SRCAP: variants seen among roughly 807,000 people sequenced by gnomAD.
The protein encoded by SRCAP is Snf2 related CREBBP activator protein, also known as chromatin remodeling protein SRCAP.
Under a neutral mutation model 263.1 loss-of-function variants are expected in SRCAP, and 46 were observed. The ratio of observed to expected loss-of-function variants is 0.17; its 90% CI spans 0.14 to 0.22. SRCAP has a LOEUF of 0.22. Among genes scored for constraint, SRCAP ranks in the 10% least tolerant of loss-of-function variants. The pLI is 1.00. For missense variants in SRCAP, 3,695 were observed against 4,181.9 expected, an observed-to-expected ratio of 0.88 and a Z score of 3.21; for synonymous variants, 1,813 against 1,662.1, an observed-to-expected ratio of 1.09 and a Z score of -2.21.
chr16:30,700,339 CG>C (rs1347047495), intron 2 of SRCAP, among the ~76,000 whole-genome samples: 13 of 152,166 alleles, frequency 8.5e-5, no homozygotes, highest in African/African-American at 3.1e-4. Context: ...ACATTTAGGT[CG>C]GGAATCCTTT....
intron 1 of SRCAP, 131 bp from the exon 2 acceptor site, chr16:30,699,777 T>A (rs1314260772): frequency 6.6e-6 from 1 of 152,266 alleles, no homozygotes; most frequent in East Asian, 1.9e-4. Context: ...CAAAACATGA[T>A]TTGCATTTCC....
rs752234548 is a variant in SRCAP at position 30,737,228 on chromosome 16, T to C, written c.7188T>C (p.Ser2396=). The C allele has an allele frequency of 3.1e-6, 5 of 1,614,040 alleles. No homozygotes were observed. In the Admixed American group the frequency reaches 6.7e-5, roughly 22 times the overall value. Residue 2396 remains serine, a synonymous_variant, in exon 34 of 34, where the codon AGT becomes AGC. Coordinates refer to ENST00000262518, the MANE Select transcript of SRCAP (RefSeq NM_006662.3). ...CTGAGAGGCCGGGGACTCGTGTCAGTGAGCGTCTTCGTGGAGCCCGGGCTG... is the reference window on the plus strand; with the variant it reads ...CTGAGAGGCCGGGGACTCGTGTCAGCGAGCGTCTTCGTGGAGCCCGGGCTG... ...KAPERPGTRV[S]ERLRGARAET...
At chr16:30,728,300 G>A (rs1258049154) in intron 25 of SRCAP, among the ~76,000 whole-genome samples, 1 of 152,208 alleles carries the variant, frequency 6.6e-6, no homozygotes, top group Non-Finnish European at 1.5e-5. Flanking sequence ...GTAGTGGATA[G>A]ATATTAGTTA....
chr16:30,727,679 G>A (rs1006510278), intron 25 of SRCAP, among the ~76,000 whole-genome samples: 1 of 152,192 alleles, frequency 6.6e-6, no homozygotes, highest in Non-Finnish European at 1.5e-5. Context: ...AGCCTCCCAA[G>A]TAGCTGGGAC....
chr16:30,734,845 T>G (rs2053144451), intron 31 of SRCAP, among the ~76,000 whole-genome samples: 1 of 152,214 alleles, frequency 6.6e-6, no homozygotes, highest in African/African-American at 2.4e-5. Context: ...CAGTAATGCT[T>G]CTTAATTGTG....
At position 30,737,874 on chromosome 16, in the gene SRCAP, G is replaced by C; in HGVS notation, c.7834G>C (p.Glu2612Gln). Residue 2612 changes from glutamate to glutamine, a missense_variant, in exon 34 of 34, where the codon GAG becomes CAG. Glu to Gln is a conservative substitution (Grantham distance 29). Transcript: ENST00000262518. ...LTPSAPSLTL[E>Q]AGSIPNGQEQ... Reference sequence around the variant, plus strand: ...CCCTTCTGCACCCAGCCTGACCTTGGAGGCTGGCAGCATCCCCAATGGTCA... The same window carrying C: ...CCCTTCTGCACCCAGCCTGACCTTGCAGGCTGGCAGCATCCCCAATGGTCA... 1.2e-6 allele frequency: 2 copies of C among 1,614,152 alleles called. No homozygotes were observed. Among genetic ancestry groups the C allele is most frequent in the Non-Finnish European group, 1.7e-6 (2 of 1,180,030 alleles).
At chr16:30,735,567 C>CTTTT (rs10663863) in intron 31 of SRCAP, among the ~76,000 whole-genome samples, 5,267 of 69,424 alleles carry the variant, frequency 0.076, 302 homozygotes, top group South Asian at 0.092. Context: ...TTTGACATTA[C>CTTTT]TTTTTTTTTT....
At chr16:30,717,242 C>T (rs2052959830) in intron 18 of SRCAP, among the ~76,000 whole-genome samples, 1 of 151,910 alleles carries the variant, frequency 6.6e-6, no homozygotes, top group Non-Finnish European at 1.5e-5. Context: ...GCTCATTGGC[C>T]ACTTGTCTAT....
chr16:30,707,088 C>A, intron 4 of SRCAP, 95 bp from the exon 5 acceptor site: 1 of 1,277,316 alleles, frequency 7.8e-7, no homozygotes, highest in Non-Finnish European at 1.1e-6. Flanking sequence ...ATAAGCATAA[C>A]ACACTCAGCC....
At chr16:30,711,770 G>A in intron 11 of SRCAP, 26 bp downstream of exon 11, 1 of 1,610,410 alleles carries the variant, frequency 6.2e-7, no homozygotes, top group Non-Finnish European at 8.5e-7. Context: ...TGAAGCAGGA[G>A]CTGGGGAGGG....
rs539705883 is a variant in SRCAP at position 30,723,339 on chromosome 16, C to T, written c.4159+110C>T. ...AGGTTTTTTCATATCAGCGTACTGC[C>T]TTGATTTGTAGTGGGCCCCAGAACT... On this transcript the variant is annotated intron_variant, in intron 24 of 33. Transcript: ENST00000262518. 55 of 1,467,162 alleles carry T rather than the reference C, an allele frequency of 3.7e-5. No homozygotes were observed. The Admixed American group carries it at 1.3e-3, about 34-fold the overall frequency. The allele number at this position is 1,467,162 out of a possible 1,614,324, so 90.9% of individuals were successfully genotyped here. A position where few individuals can be genotyped will look rare whatever the true frequency, so the allele number is the denominator to read the frequency against.
chr16:30,736,107 T>A, intron 31 of SRCAP, 93 bp from the exon 32 acceptor site: 1 of 1,493,236 alleles, frequency 6.7e-7, no homozygotes, highest in Non-Finnish European at 9.1e-7. Flanking sequence ...TAGTTTGGTG[T>A]ACGCTTGGTC....
Position 30,724,884 on chromosome 16 carries a change from A to G in SRCAP, c.5460A>G (p.Ala1820=). 2 of 1,614,152 alleles carry G rather than the reference A, an allele frequency of 1.2e-6. No individual in the cohort carries two copies. Among genetic ancestry groups the G allele is most frequent in the Non-Finnish European group, 1.7e-6 (2 of 1,180,022 alleles). Residue 1820 remains alanine, a synonymous_variant, in exon 25 of 34, where the codon GCA becomes GCG. Coordinates refer to ENST00000262518, the MANE Select transcript of SRCAP (RefSeq NM_006662.3). Reference sequence around the variant, plus strand: ...CCACACAGTCCCCAGCTTCCCAGGCATCTTCCCTTGTGGTTTCGGCATCTG... The same window carrying G: ...CCACACAGTCCCCAGCTTCCCAGGCGTCTTCCCTTGTGGTTTCGGCATCTG... ...PASTQSPASQ[A]SSLVVSASGA... is the part of the protein sequence containing the mutation.
At chr16:30,726,900 C>G (rs895729820) in intron 25 of SRCAP, among the ~76,000 whole-genome samples, 10 of 152,152 alleles carry the variant, frequency 6.6e-5, no homozygotes, top group African/African-American at 2.4e-4. Flanking sequence ...TGGGGTTTCA[C>G]CATGTTGGCC....
In SRCAP at chr16:30,739,763, C is replaced by G; in HGVS notation, c.*30C>G. 6.9e-7 allele frequency: 1 copy of G among 1,452,392 alleles called. No individual in the cohort carries two copies. Among genetic ancestry groups the G allele is most frequent in the Non-Finnish European group, 9.1e-7 (1 of 1,100,638 alleles). The allele number at this position is 1,452,392 out of a possible 1,614,324, so 90.0% of individuals were successfully genotyped here. A position where few individuals can be genotyped will look rare whatever the true frequency, so the allele number is the denominator to read the frequency against. On this transcript the variant is annotated 3_prime_UTR_variant, in exon 34 of 34. Transcript: ENST00000262518. ...GCTGCCCCTCCACCTAGGCTTTCCA[C>G]CGTGGCCACTCCCTCCATGACCAGG... is the stretch of plus-strand genomic sequence containing the variant.
At chr16:30,700,549 T>G in intron 2 of SRCAP, 67 bp from the exon 3 acceptor site, 1 of 348,112 alleles carries the variant, frequency 2.9e-6, no homozygotes, top group Non-Finnish European at 5.3e-6. Flanking sequence ...TCTGGTTTTT[T>G]AAAAATACTT....
chr16:30,713,742 G>A (rs761640253), intron 16 of SRCAP, 31 bp downstream of exon 16: 5 of 1,606,264 alleles, frequency 3.1e-6, no homozygotes, highest in Non-Finnish European at 4.3e-6. Flanking sequence ...TCAGGGTATT[G>A]GGAATGGTAA....
intron 21 of SRCAP, 38 bp from the exon 22 acceptor site, chr16:30,722,084 A>G (rs779803479): frequency 1.9e-6 from 3 of 1,594,710 alleles, no homozygotes; most frequent in East Asian, 2.2e-5. Context: ...GTTGAGCAGG[A>G]TGAGCCTTGT....
Position 30,737,178 on chromosome 16 carries a change from C to T in SRCAP, c.7138C>T (p.Arg2380Trp), listed in dbSNP as rs776770794. 6 of 1,613,952 alleles carry T rather than the reference C, an allele frequency of 3.7e-6. No homozygotes were observed. The highest frequency in any genetic ancestry group is 2.2e-5 in the East Asian group (1 of 44,894). Residue 2380 changes from arginine to tryptophan, a missense_variant, in exon 34 of 34, where the codon CGG becomes TGG. Transcript: ENST00000262518. ...CTGTGGGACTGGTGGAGGCACCCAC[C>T]GGCGCAGTAAAAAGGCCAAAGCCCC... ...SSCGTGGGTH[R>W]RSKKAKAPER... is the part of the protein sequence containing the mutation.
Sources: allele counts gnomAD v4.1 joint callset (sites outside exome capture counted in the v4.1 genomes callset), GRCh38; gene constraint gnomAD v4.1.1; transcripts MANE v1.5; gene names NCBI Gene and HGNC (gene_info 2026-07-23, HGNC 2026-07-21).